DNAH14: variants seen among roughly 807,000 people sequenced by gnomAD.
The protein encoded by DNAH14 is axonemal beta dynein heavy chain 14.
DNAH14 carries 478 observed loss-of-function variants against 520.9 expected under a neutral mutation model. That is an observed-to-expected ratio of 0.92 (90% CI 0.85 to 0.99). DNAH14 has a LOEUF of 0.99. Among genes scored for constraint, DNAH14 ranks in the 50% least tolerant of loss-of-function variants. The pLI, the probability that DNAH14 is intolerant of heterozygous loss-of-function variation, is 0.00. For synonymous variants in DNAH14, 1,581 were observed against 1,757.2 expected (o/e 0.90, Z 2.51); for missense variants, 4,831 against 5,234.5 (o/e 0.92, Z 2.38).
intron 8 of DNAH14, among the ~76,000 whole-genome samples, chr1:224,983,943 A>G (rs1395845214): frequency 6.6e-6 from 1 of 152,200 alleles, no homozygotes; most frequent in African/African-American, 2.4e-5. Context: ...AGTAGAATCA[A>G]TATTGTGAAA....
At chr1:225,094,681 AC>A (rs1329378687) in intron 21 of DNAH14, among the ~76,000 whole-genome samples, 32,487 of 138,938 alleles carry the variant, frequency 0.23, 6,955 homozygotes, top group African/African-American at 0.55. Context: ...AAAAAAAACA[AC>A]AAAACAAACA....
chr1:225,229,623 A>G (rs1489541570), intron 41 of DNAH14, among the ~76,000 whole-genome samples: 1 of 152,214 alleles, frequency 6.6e-6, no homozygotes, highest in Non-Finnish European at 1.5e-5. Flanking sequence ...TTGCAGGGAC[A>G]TGGATTAAGC....
At chr1:225,087,195 G>A (rs1004953747) in intron 21 of DNAH14, among the ~76,000 whole-genome samples, 9 of 152,344 alleles carry the variant, frequency 5.9e-5, no homozygotes, top group African/African-American at 1.7e-4. Context: ...CAAGAGCATG[G>A]GGCTGGCATC....
intron 33 of DNAH14, among the ~76,000 whole-genome samples, chr1:225,153,547 A>C (rs941182059): frequency 2.6e-5 from 4 of 152,058 alleles, no homozygotes; most frequent in Non-Finnish European, 5.9e-5. Flanking sequence ...AATATTTGTT[A>C]GTCTTTAAGA....
intron 41 of DNAH14, among the ~76,000 whole-genome samples, chr1:225,211,773 C>A (rs2149453389): frequency 6.6e-6 from 1 of 152,044 alleles, no homozygotes; most frequent in Non-Finnish European, 1.5e-5. Context: ...AAAGGGAAGC[C>A]CATCAGACTA....
chr1:225,259,931 A>G (rs1349100753), intron 46 of DNAH14, among the ~76,000 whole-genome samples: 1 of 152,222 alleles, frequency 6.6e-6, no homozygotes, highest in Admixed American at 6.5e-5. Flanking sequence ...CATTGTATAT[A>G]TAATGGAATC....
Position 225,117,678 on chromosome 1 carries a change from G to C in DNAH14, c.3868-6G>C. ...TCTGAATTGCATTTCTTTTGATTCT[G>C]GACAGGATTACCTTGAAGTTAAAAG... On this transcript the variant is annotated splice_region_variant and splice_polypyrimidine_tract_variant and intron_variant, in intron 23 of 85. Coordinates refer to ENST00000682510, the MANE Select transcript of DNAH14 (RefSeq NM_001367479.1). 2 of 1,502,782 alleles carry C rather than the reference G, an allele frequency of 1.3e-6. No individual in the cohort carries two copies. The highest frequency in any genetic ancestry group is 2.5e-5 in the East Asian group (1 of 40,654). 93.1% of individuals were successfully genotyped at this position (1,502,782 alleles called of 1,614,324 possible). A position where few individuals can be genotyped will look rare whatever the true frequency, so the allele number is the denominator to read the frequency against.
intron 61 of DNAH14, among the ~76,000 whole-genome samples, chr1:225,321,314 C>T (rs533237898): frequency 1.3e-5 from 2 of 152,146 alleles, no homozygotes; most frequent in Non-Finnish European, 2.9e-5. Flanking sequence ...GAAAAAATAA[C>T]TATTGCCTAC....
At chr1:225,321,689 G>A (rs535962198) in intron 61 of DNAH14, among the ~76,000 whole-genome samples, 2 of 152,226 alleles carry the variant, frequency 1.3e-5, no homozygotes, top group South Asian at 4.1e-4. Flanking sequence ...TTCTGACCCT[G>A]ACTTTCCAAA....
At chr1:225,366,815 GAGA>G (rs993909857) in intron 76 of DNAH14, among the ~76,000 whole-genome samples, 2 of 143,090 alleles carry the variant, frequency 1.4e-5, no homozygotes, top group Admixed American at 7.0e-5. Flanking sequence ...TCTTTTCCCC[GAGA>G]AGATTTGTTT....
rs530746849 is a variant in DNAH14 at position 225,144,607 on chromosome 1, G to A, written c.4719G>A (p.Glu1573=). The change falls in exon 29 of 86, where the codon GAG becomes GAA. Residue 1573 remains glutamate (E), a synonymous_variant. Transcript: ENST00000682510. ...GTCCAGCTGGTACAGGAAAAACTGA[G>A]ACTGTCAAAGATCTAGCAAAAGTAA... ...PAGPAGTGKT[E]TVKDLAKSLG... 2 of 1,551,204 alleles carry A rather than the reference G, an allele frequency of 1.3e-6. No homozygotes were observed. Among genetic ancestry groups the A allele is most frequent in the South Asian group, 1.2e-5 (1 of 84,006 alleles).
intron 36 of DNAH14, among the ~76,000 whole-genome samples, chr1:225,179,631 AT>A (rs2083738853): frequency 6.6e-6 from 1 of 152,216 alleles, no homozygotes; most frequent in African/African-American, 2.4e-5. Flanking sequence ...CATGTTAAAG[AT>A]ATGAGTATTT....
In DNAH14 at chr1:225,234,506, T is replaced by C. The variant is rs188179616; in HGVS notation, c.6518+3355T>C. Among the ~76,000 whole-genome samples, 4 of 152,308 alleles carry C rather than the reference T, an allele frequency of 2.6e-5. No individual in the cohort carries two copies. In the East Asian group the frequency reaches 7.7e-4, roughly 29 times the overall value. ...CCTGGCCAGCTTTGTTCTTTTTTCATAGGATTGGTTTGGCTATTCAGGCTC... is the reference window on the plus strand; with the variant it reads ...CCTGGCCAGCTTTGTTCTTTTTTCACAGGATTGGTTTGGCTATTCAGGCTC... On this transcript the variant is annotated intron_variant, in intron 42 of 85. Transcript: ENST00000682510.
intron 43 of DNAH14, among the ~76,000 whole-genome samples, chr1:225,242,450 CACAA>C: frequency 1.3e-5 from 2 of 151,930 alleles, no homozygotes; most frequent in East Asian, 3.9e-4. Context: ...AAAACTAAGA[CACAA>C]ACACACACAT....
intron 8 of DNAH14, among the ~76,000 whole-genome samples, chr1:224,990,082 G>A (rs2062931626): frequency 6.6e-6 from 1 of 151,850 alleles, no homozygotes; most frequent in South Asian, 2.1e-4. Context: ...GAACTAGGAA[G>A]TATTTCTTCT....
At chr1:225,043,193 G>A (rs182222983) in intron 13 of DNAH14, 79 bp downstream of exon 13, 20,667 of 1,394,014 alleles carry the variant, frequency 0.015, 197 homozygotes, top group Middle Eastern at 0.018. Context: ...ACTCTGGGAG[G>A]CTGAGGTGGG....
chr1:225,357,183 T>C (rs1574997589), intron 73 of DNAH14, among the ~76,000 whole-genome samples: 1 of 140,434 alleles, frequency 7.1e-6, no homozygotes. Context: ...AAAGAGGGGA[T>C]GAAAGAGGAC....
intron 46 of DNAH14, among the ~76,000 whole-genome samples, chr1:225,259,969 C>A (rs1040196473): frequency 7.2e-5 from 11 of 152,104 alleles, no homozygotes; most frequent in African/African-American, 2.7e-4. Context: ...TTAAAAAATC[C>A]ATTTAAATGA....
chr1:225,133,912 T>C, intron 27 of DNAH14, among the ~76,000 whole-genome samples: 1 of 152,212 alleles, frequency 6.6e-6, no homozygotes, highest in East Asian at 1.9e-4. Flanking sequence ...GAGCAGTGGT[T>C]TGTAGTTCTC....
Sources: gnomAD v4.1 joint callset for allele counts (sites outside exome capture counted in the v4.1 genomes callset) on GRCh38, gnomAD v4.1.1 for gene constraint, MANE v1.5 for transcripts, NCBI Gene and HGNC (gene_info 2026-07-23, HGNC 2026-07-21) for gene names.